PIK3CD: variants seen among roughly 807,000 people sequenced by gnomAD.
PIK3CD encodes the protein phosphatidylinositol-4,5-bisphosphate 3-kinase catalytic subunit delta.
A neutral mutation model predicts 122.9 loss-of-function variants in PIK3CD; 20 were observed. The ratio of observed to expected loss-of-function variants is 0.16; its 90% CI spans 0.11 to 0.24. The LOEUF is 0.24. Among genes scored for constraint, PIK3CD ranks in the 10% least tolerant of loss-of-function variants. The probability of loss-of-function intolerance (pLI) is 1.00; values close to 1 mark genes in which losing one functional copy is unlikely to be tolerated. For missense variants in PIK3CD, 787 were observed against 1,406.3 expected, an observed-to-expected ratio of 0.56 and a Z score of 7.04; for synonymous variants, 596 against 593.4, an observed-to-expected ratio of 1.00 and a Z score of -0.06.
chr1:9,721,561 C>G lies in PIK3CD; in HGVS notation c.1929C>G (p.Ile643Met). 1 of 1,613,610 alleles carries G rather than the reference C, an allele frequency of 6.2e-7. No individual in the cohort carries two copies. The highest frequency in any genetic ancestry group is 8.5e-7 in the Non-Finnish European group (1 of 1,180,018). Residue 643 changes from isoleucine (I) to methionine (M), a missense_variant, in exon 15 of 24, where the codon ATC (isoleucine) becomes ATG (methionine). By Grantham distance (10) the Ile-to-Met change is conservative (BLOSUM62 1). Around this residue, in one of 6 missense-constraint regions of PIK3CD, gnomAD observed 592 missense variants for 920.6 expected, o/e 0.64. Transcript: ENST00000377346. Reference protein sequence around the residue: ...LLDRALANRKIGHFLFWHLRS... With the variant: ...LLDRALANRKMGHFLFWHLRS... ...ACCGGGCCCTGGCCAACCGCAAGAT[C>G]GGCCACTTCCTTTTCTGGCACCTCC...
chr1:9,644,218 AAAG>A, the PIK3CD span, among the ~76,000 whole-genome samples: 2 of 152,084 alleles, frequency 1.3e-5, no homozygotes, highest in Admixed American at 6.6e-5. Flanking sequence ...GGGTTACAGG[AAAG>A]AAGAAAGCCT....
At chr1:9,707,159 T>G (rs1196210873) in intron 2 of PIK3CD, among the ~76,000 whole-genome samples, 1 of 151,940 alleles carries the variant, frequency 6.6e-6, no homozygotes, top group Non-Finnish European at 1.5e-5. Flanking sequence ...GGACGTTACC[T>G]ATGTGGTTCC....
chr1:9,722,872 C>T lies in PIK3CD; in HGVS notation c.2427-253C>T, dbSNP rs755925770. On this transcript the variant is annotated intron_variant, in intron 19 of 23. Coordinates refer to ENST00000377346, the MANE Select transcript of PIK3CD (RefSeq NM_005026.5). The surrounding 1 kb of genome is among the most constrained non-coding windows in gnomAD (Gnocchi z 7.6). Reference sequence around the variant, plus strand: ...GGCTTCCCCAGCCCATCTTGGGAAGCAGTGGCGTCTTCTCCCAAGGCCTCT... The same window carrying T: ...GGCTTCCCCAGCCCATCTTGGGAAGTAGTGGCGTCTTCTCCCAAGGCCTCT... 1.3e-5 allele frequency among the ~76,000 whole-genome samples: 2 copies of T among 152,184 alleles called. No homozygotes were observed. Among genetic ancestry groups the T allele is most frequent in the African/African-American group, 2.4e-5 (1 of 41,438 alleles).
intron 13 of PIK3CD, 102 bp downstream of exon 13, chr1:9,721,011 A>C: frequency 7.0e-7 from 1 of 1,433,264 alleles, no homozygotes; most frequent in Non-Finnish European, 9.5e-7. Flanking sequence ...ACCCTGGCCA[A>C]CCTTCACCCT....
chr1:9,718,971 C>T lies in PIK3CD; in HGVS notation c.1242+56C>T. ...AGACCCCGGAGAGCCAGTACAGCCC[C>T]TTGCTGGGCCACTCACCACTCTCCT... On this transcript the variant is annotated intron_variant, in intron 9 of 23. Transcript: ENST00000377346. This position sits in a 1 kb window ranked among gnomAD's most constrained non-coding sequence, Gnocchi z 7.2. 4 of 1,505,464 alleles carry T rather than the reference C, an allele frequency of 2.7e-6. No homozygotes were observed. In the Admixed American group the frequency reaches 5.1e-5, roughly 19 times the overall value. The allele number at this position is 1,505,464 out of a possible 1,614,324, so 93.3% of individuals were successfully genotyped here.
chr1:9,692,513 T>C (rs552543088), intron 2 of PIK3CD, among the ~76,000 whole-genome samples: 6 of 151,904 alleles, frequency 3.9e-5, no homozygotes, highest in African/African-American at 1.2e-4. Context: ...AATCACGAGG[T>C]CAGGAGTTCG....
intron 1 of PIK3CD, among the ~76,000 whole-genome samples, chr1:9,671,519 C>A (rs997539152): frequency 3.9e-5 from 6 of 152,156 alleles, no homozygotes; most frequent in Non-Finnish European, 8.8e-5. Context: ...GACAGGTGTT[C>A]CTGTCATGAG....
At chr1:9,665,105 G>A (rs190181515) in intron 1 of PIK3CD, among the ~76,000 whole-genome samples, 1 of 150,956 alleles carries the variant, frequency 6.6e-6, no homozygotes, top group African/African-American at 2.4e-5. Context: ...TTGGGAGGCT[G>A]AGGCAGGAGG....
intron 1 of PIK3CD, among the ~76,000 whole-genome samples, chr1:9,666,576 C>CTT (rs1645167289): frequency 1.3e-5 from 2 of 151,812 alleles, no homozygotes; most frequent in Non-Finnish European, 2.9e-5. Context: ...AAGAGTTAAG[C>CTT]TTTGTCTTGA....
chr1:9,675,347 C>T (rs1459585435), intron 1 of PIK3CD, among the ~76,000 whole-genome samples: 3 of 138,914 alleles, frequency 2.2e-5, no homozygotes, highest in Non-Finnish European at 4.5e-5. Flanking sequence ...GATTGCGCCA[C>T]TGCACTCCCA....
intron 6 of PIK3CD, 132 bp from the exon 7 acceptor site, chr1:9,716,827 A>T: frequency 7.4e-7 from 1 of 1,359,132 alleles, no homozygotes; most frequent in Non-Finnish European, 1.0e-6. Flanking sequence ...GGCAGGAAAA[A>T]CCAGCAGGAA....
intron 1 of PIK3CD, among the ~76,000 whole-genome samples, chr1:9,663,589 A>T (rs988445822): frequency 3.3e-5 from 5 of 151,530 alleles, no homozygotes; most frequent in Admixed American, 6.6e-5. Context: ...TTTTTTTAAT[A>T]TTTTTTTATT....
chr1:9,718,781 G>A lies in PIK3CD; in HGVS notation c.1108G>A (p.Val370Met), dbSNP rs143521812. 6.1e-5 allele frequency: 99 copies of A among 1,611,390 alleles called. 1 individual carries two copies. The Admixed American group carries it at 7.3e-4, about 12-fold the overall frequency. ...SSEVSVCSEP[V>M]WKQRLEFDIN... is the part of the protein sequence containing the mutation. Reference sequence around the variant, plus strand: ...GGAGGTGAGCGTGTGCTCGGAGCCCGTGTGGAAGCAGCGGCTGGAGTTCGA... The same window carrying A: ...GGAGGTGAGCGTGTGCTCGGAGCCCATGTGGAAGCAGCGGCTGGAGTTCGA... The change falls in exon 9 of 24, where the codon GTG (valine) becomes ATG (methionine). Residue 370 changes from valine to methionine, a missense_variant. This residue lies in a region of PIK3CD where 592 missense variants were observed against 920.6 expected (regional missense o/e 0.64). Coordinates refer to ENST00000377346, the MANE Select transcript of PIK3CD (RefSeq NM_005026.5). The surrounding 1 kb of genome is among the most constrained non-coding windows in gnomAD (Gnocchi z 7.2).
chr1:9,633,916 G>A, the PIK3CD span, among the ~76,000 whole-genome samples: 3 of 152,108 alleles, frequency 2.0e-5, no homozygotes, highest in African/African-American at 4.8e-5. Context: ...TAAGGGTTGT[G>A]TGCTCCTGTG....
At chr1:9,657,749 T>G (rs2100776222) in intron 1 of PIK3CD, among the ~76,000 whole-genome samples, 1 of 152,088 alleles carries the variant, frequency 6.6e-6, no homozygotes. Context: ...GCCCCTCACA[T>G]TTTGAAATTT....
intron 1 of PIK3CD, among the ~76,000 whole-genome samples, chr1:9,667,908 GTTTTTTTTTTT>G (rs745429754): frequency 1.8e-5 from 1 of 55,154 alleles, no homozygotes; most frequent in Non-Finnish European, 3.9e-5. Context: ...GCTAATTTTT[GTTTTTTTTTTT>G]TTTTTTTTTT....
At position 9,718,084 on chromosome 1, in the gene PIK3CD, ACG is replaced by A. The variant is rs757460290; in HGVS notation, c.1020+460_1020+461del. The A allele has an allele frequency of 2.6e-4, 123 of 467,646 alleles. No individual in the cohort carries two copies. The highest frequency in any genetic ancestry group is 3.9e-4 in the Non-Finnish European group (92 of 235,004). 29.0% of individuals were successfully genotyped at this position (467,646 alleles called of 1,614,324 possible). A position where few individuals can be genotyped will look rare whatever the true frequency, so the allele number is the denominator to read the frequency against. ...CCCTGTTGTCTCTTAACACTTTCAC[ACG>A]CTCCATCGCAACAGCCTGCAGTCAT... On this transcript the variant is annotated intron_variant, in intron 8 of 23. Transcript: ENST00000377346. The surrounding 1 kb of genome is among the most constrained non-coding windows in gnomAD (Gnocchi z 7.2).
intron 1 of PIK3CD, among the ~76,000 whole-genome samples, chr1:9,654,913 A>T (rs1372593932): frequency 6.6e-6 from 1 of 152,016 alleles, no homozygotes; most frequent in Non-Finnish European, 1.5e-5. Context: ...TGCAAAAAAA[A>T]AAAATTAGCT....
chr1:9,691,707 C>G, intron 2 of PIK3CD, 136 bp downstream of exon 2: 1 of 391,826 alleles, frequency 2.6e-6, no homozygotes, highest in Non-Finnish European at 4.5e-6. Flanking sequence ...GACTAGCACA[C>G]CCAGAGGAAG....
Sources: gnomAD v4.1 joint callset for allele counts (sites outside exome capture counted in the v4.1 genomes callset) on GRCh38, gnomAD v4.1.1 for gene constraint, gnomAD v4.1.1 regional missense constraint, Gnocchi (gnomAD v3.1) non-coding constraint, MANE v1.5 for transcripts, NCBI Gene and HGNC (gene_info 2026-07-23, HGNC 2026-07-21) for gene names.